The following SLC24A4 variants were observed in gnomAD, a reference collection of about 807,000 sequenced individuals.
SLC24A4 encodes the protein sodium/potassium/calcium exchanger 4.
In SLC24A4, 53 loss-of-function variants were observed where a neutral mutation model predicts 79.0. The ratio of observed to expected loss-of-function variants is 0.67; its 90% CI spans 0.54 to 0.84. SLC24A4 has a LOEUF of 0.84. Among genes scored for constraint, SLC24A4 ranks in the 40% least tolerant of loss-of-function variants. The probability of loss-of-function intolerance (pLI) is 0.00; values close to 1 mark genes in which losing one functional copy is unlikely to be tolerated. For synonymous variants in SLC24A4, 323 were observed against 323.8 expected, an observed-to-expected ratio of 1.00 and a Z score of 0.03; for missense variants, 731 against 822.0, an observed-to-expected ratio of 0.89 and a Z score of 1.35.
intron 2 of SLC24A4, among the ~76,000 whole-genome samples, chr14:92,404,832 G>A (rs1483775410): frequency 1.3e-5 from 2 of 151,996 alleles, no homozygotes; most frequent in Non-Finnish European, 2.9e-5. Flanking sequence ...TGTAATTTTT[G>A]TAACAGCAGG....
chr14:92,413,297 A>C (rs1890819876), intron 2 of SLC24A4, among the ~76,000 whole-genome samples: 1 of 151,788 alleles, frequency 6.6e-6, no homozygotes, highest in Non-Finnish European at 1.5e-5. Flanking sequence ...CTCCCAGAAC[A>C]CCTGCCCAGA....
chr14:92,458,457 TG>T (rs1893613242), intron 12 of SLC24A4, among the ~76,000 whole-genome samples: 1 of 152,150 alleles, frequency 6.6e-6, no homozygotes, highest in African/African-American at 2.4e-5. Context: ...CCAGTCTGGC[TG>T]GTGGGGAGAG....
At chr14:92,456,921 T>C (rs536744419) in intron 12 of SLC24A4, among the ~76,000 whole-genome samples, 21 of 152,302 alleles carry the variant, frequency 1.4e-4, no homozygotes, top group Non-Finnish European at 2.6e-4. Context: ...CAGTCGATCT[T>C]TTGTGCCAAG....
intron 2 of SLC24A4, among the ~76,000 whole-genome samples, chr14:92,415,462 T>C (rs1460047919): frequency 1.3e-5 from 2 of 152,254 alleles, no homozygotes; most frequent in South Asian, 2.1e-4. Context: ...TTATTTATTA[T>C]TTATTTATTT....
chr14:92,323,657 C>A lies in SLC24A4; in HGVS notation c.-174C>A. The A allele has an allele frequency of 1.3e-6, 1 of 747,410 alleles. No homozygotes were observed. The highest frequency in any genetic ancestry group is 2.0e-6 in the Non-Finnish European group (1 of 501,346). 46.3% of individuals were successfully genotyped at this position (747,410 alleles called of 1,614,324 possible). A position where few individuals can be genotyped will look rare whatever the true frequency, so the allele number is the denominator to read the frequency against. On this transcript the variant is annotated 5_prime_UTR_variant, in exon 1 of 17. Transcript: ENST00000532405. This position sits in a 1 kb window ranked among gnomAD's most constrained non-coding sequence, Gnocchi z 4.9. The stretch of plus-strand genomic sequence containing the variant: ...CGGCCGCGTCGCGCGTCCCCACCTT[C>A]CCAAGGGGCTCCCCCGCCGACCTCG...
intron 2 of SLC24A4, among the ~76,000 whole-genome samples, chr14:92,429,697 A>G (rs1891758656): frequency 6.6e-6 from 1 of 152,188 alleles, no homozygotes. Flanking sequence ...TGGGGGTAAC[A>G]TGCTCCAATA....
At chr14:92,444,130 A>C (rs1038455676) in intron 7 of SLC24A4, among the ~76,000 whole-genome samples, 1 of 152,088 alleles carries the variant, frequency 6.6e-6, no homozygotes, top group African/African-American at 2.4e-5. Context: ...CACACCCCCC[A>C]AAAAATAGAT....
intron 12 of SLC24A4, among the ~76,000 whole-genome samples, chr14:92,471,037 G>C (rs1457043304): frequency 6.6e-6 from 1 of 152,232 alleles, no homozygotes; most frequent in African/African-American, 2.4e-5. Flanking sequence ...CCCATGCACA[G>C]ATGGTGCCTC....
At chr14:92,483,666 C>G (rs1471179050) in intron 13 of SLC24A4, 1 of 1,195,922 alleles carries the variant, frequency 8.4e-7, no homozygotes, top group Non-Finnish European at 1.1e-6. Flanking sequence ...CACACAGGAG[C>G]CTCCTTCCCC....
chr14:92,338,114 AC>A (rs1885920127), intron 2 of SLC24A4, among the ~76,000 whole-genome samples: 1 of 152,148 alleles, frequency 6.6e-6, no homozygotes, highest in South Asian at 2.1e-4. Flanking sequence ...GCACAGAGGT[AC>A]TCACTGTGAT....
At chr14:92,425,627 C>A (rs1479750219) in intron 2 of SLC24A4, among the ~76,000 whole-genome samples, 1 of 152,184 alleles carries the variant, frequency 6.6e-6, no homozygotes, top group Non-Finnish European at 1.5e-5. Flanking sequence ...TGTTAACTAG[C>A]TGTGATGCTG....
At chr14:92,367,314 CTG>C (rs973375286) in intron 2 of SLC24A4, among the ~76,000 whole-genome samples, 5 of 152,216 alleles carry the variant, frequency 3.3e-5, no homozygotes, top group African/African-American at 1.2e-4. Flanking sequence ...GTGTGTATAA[CTG>C]TGTATTAACT....
At chr14:92,397,584 G>A (rs536840731) in intron 2 of SLC24A4, among the ~76,000 whole-genome samples, 6 of 152,342 alleles carry the variant, frequency 3.9e-5, no homozygotes, top group African/African-American at 1.2e-4. Flanking sequence ...GGCACACAGC[G>A]GGAGGGGCAG....
rs374494398 is a variant in SLC24A4 at position 92,490,873 on chromosome 14, G to T, written c.1538-792G>T. Among the ~76,000 whole-genome samples the T allele has an allele frequency of 6.6e-6, 1 of 152,228 alleles. No individual in the cohort carries two copies. Among genetic ancestry groups the T allele is most frequent in the African/African-American group, 2.4e-5 (1 of 41,456 alleles). ...AGTGTATTGTCTTGTGGTTCCGGAG[G>T]CCAGAAGCCTGAAGGAGAGTCTGTC... On this transcript the variant is annotated intron_variant, in intron 14 of 16. Coordinates refer to ENST00000532405, the MANE Select transcript of SLC24A4 (RefSeq NM_153646.4). This position sits in a 1 kb window ranked among gnomAD's most constrained non-coding sequence, Gnocchi z 4.3.
intron 16 of SLC24A4, among the ~76,000 whole-genome samples, chr14:92,492,443 T>C (rs1895735406): frequency 6.6e-6 from 1 of 152,156 alleles, no homozygotes; most frequent in Non-Finnish European, 1.5e-5. Context: ...TTTTGCTGAG[T>C]ACATAAGAAG....
intron 2 of SLC24A4, among the ~76,000 whole-genome samples, chr14:92,330,332 T>G (rs1885397306): frequency 2.0e-5 from 3 of 152,236 alleles, no homozygotes; most frequent in Non-Finnish European, 4.4e-5. Context: ...AAACATGTTT[T>G]TAAATGTAGG....
At chr14:92,400,457 A>C (rs1890052792) in intron 2 of SLC24A4, among the ~76,000 whole-genome samples, 1 of 150,350 alleles carries the variant, frequency 6.7e-6, no homozygotes, top group Non-Finnish European at 1.5e-5. Context: ...AAAAAAAAAA[A>C]AGAGTTGGGG....
Position 92,499,708 on chromosome 14 carries a change from C to T in SLC24A4, c.*6080C>T, listed in dbSNP as rs1431468904. 1.3e-5 allele frequency: 2 copies of T among 149,686 alleles called. No homozygotes were observed. The highest frequency in any genetic ancestry group is 3.0e-5 in the Non-Finnish European group (2 of 67,554). The allele number at this position is 149,686 out of a possible 1,614,324, so 9.3% of individuals were successfully genotyped here. ...TTTTCATTTTTTTTTTTTTTAGAGA[C>T]AGGATCTCGCTGTGTTCCCCAGGTA... On this transcript the variant is annotated 3_prime_UTR_variant, in exon 17 of 17. Coordinates refer to ENST00000532405, the MANE Select transcript of SLC24A4 (RefSeq NM_153646.4).
intron 2 of SLC24A4, among the ~76,000 whole-genome samples, chr14:92,393,915 G>A (rs1475285573): frequency 6.6e-6 from 1 of 152,016 alleles, no homozygotes; most frequent in Non-Finnish European, 1.5e-5. Context: ...GGAGGCTGAG[G>A]CAGGAGAATC....
Sources: allele counts gnomAD v4.1 joint callset (sites outside exome capture counted in the v4.1 genomes callset), GRCh38; gene constraint gnomAD v4.1.1; non-coding constraint Gnocchi (gnomAD v3.1); transcripts MANE v1.5; gene names NCBI Gene and HGNC (gene_info 2026-07-23, HGNC 2026-07-21).